PRKD1: variants seen among roughly 807,000 people sequenced by gnomAD.
The protein encoded by PRKD1 is protein kinase D1, also known as serine/threonine-protein kinase D1.
A neutral mutation model predicts 95.9 loss-of-function variants in PRKD1; 63 were observed. That is an observed-to-expected ratio of 0.66 (90% CI 0.54 to 0.81). The LOEUF (loss-of-function observed/expected upper bound fraction) is 0.81, where lower values mean the gene tolerates loss of function less well. PRKD1 is among the 30% of genes least tolerant of loss of function. PRKD1 has a pLI of 0.00. For missense variants in PRKD1, 1,048 were observed against 1,165.3 expected (o/e 0.90, Z 1.47); for synonymous variants, 425 against 423.1 (o/e 1.00, Z -0.05).
intron 1 of PRKD1, among the ~76,000 whole-genome samples, chr14:29,872,605 G>A (rs539848951): frequency 8.7e-5 from 13 of 149,800 alleles, no homozygotes; most frequent in Admixed American, 8.0e-4. Flanking sequence ...GCAGTGAGCC[G>A]AGATCAAGCC....
intron 1 of PRKD1, among the ~76,000 whole-genome samples, chr14:29,794,073 A>C (rs1462781664): frequency 6.6e-6 from 1 of 152,108 alleles, no homozygotes; most frequent in Non-Finnish European, 1.5e-5. Context: ...ATGTAGATTT[A>C]TTATTAGGTA....
intron 1 of PRKD1, among the ~76,000 whole-genome samples, chr14:29,861,587 A>C: frequency 6.6e-6 from 1 of 152,216 alleles, no homozygotes; most frequent in Middle Eastern, 3.4e-3. Flanking sequence ...TTTAAAATGT[A>C]TAATTATTAT....
intron 1 of PRKD1, among the ~76,000 whole-genome samples, chr14:29,839,070 T>C (rs1195315649): frequency 1.3e-5 from 2 of 152,082 alleles, no homozygotes; most frequent in African/African-American, 4.8e-5. Flanking sequence ...GCCCACAATG[T>C]CAAACCATTC....
intron 1 of PRKD1, among the ~76,000 whole-genome samples, chr14:29,752,918 C>T (rs1444900136): frequency 6.6e-6 from 1 of 152,038 alleles, no homozygotes. Context: ...TTTTGCACTC[C>T]TACCACTTTC....
intron 1 of PRKD1, among the ~76,000 whole-genome samples, chr14:29,854,613 A>C (rs2139345579): frequency 6.6e-6 from 1 of 152,344 alleles, no homozygotes; most frequent in African/African-American, 2.4e-5. Context: ...TTTTCTGAGG[A>C]GAAATTCAAA....
At chr14:29,665,588 T>G (rs552023096) in intron 3 of PRKD1, among the ~76,000 whole-genome samples, 1 of 152,164 alleles carries the variant, frequency 6.6e-6, no homozygotes, top group Non-Finnish European at 1.5e-5. Context: ...GAGTAGTATT[T>G]CATGGTGTAT....
chr14:29,603,271 A>C (rs1365946984), intron 13 of PRKD1, among the ~76,000 whole-genome samples: 1 of 152,250 alleles, frequency 6.6e-6, no homozygotes, highest in Non-Finnish European at 1.5e-5. Flanking sequence ...TTGATATACA[A>C]CAAGTTTATT....
intron 6 of PRKD1, among the ~76,000 whole-genome samples, chr14:29,637,487 AGAAAAT>A (rs1680386785): frequency 6.6e-6 from 1 of 152,218 alleles, no homozygotes; most frequent in South Asian, 2.1e-4. Flanking sequence ...TGAATGTATA[AGAAAAT>A]AGAATTTCAA....
intron 2 of PRKD1, among the ~76,000 whole-genome samples, chr14:29,712,019 G>A (rs558632281): frequency 6.6e-6 from 1 of 152,076 alleles, no homozygotes; most frequent in Non-Finnish European, 1.5e-5. Context: ...TATTGAATAG[G>A]ATTAAGCAAA....
chr14:29,868,787 A>C (rs980738094), intron 1 of PRKD1, among the ~76,000 whole-genome samples: 1 of 152,228 alleles, frequency 6.6e-6, no homozygotes, highest in Non-Finnish European at 1.5e-5. Context: ...TCATGGAACA[A>C]TGAAACACTA....
At chr14:29,921,077 C>G (rs1233552636) in intron 1 of PRKD1, among the ~76,000 whole-genome samples, 1 of 152,028 alleles carries the variant, frequency 6.6e-6, no homozygotes, top group Non-Finnish European at 1.5e-5. Context: ...ATTTTATTTC[C>G]TTTTTAAAAA....
At chr14:29,776,431 A>C (rs770476219) in intron 1 of PRKD1, among the ~76,000 whole-genome samples, 1 of 152,224 alleles carries the variant, frequency 6.6e-6, no homozygotes, top group African/African-American at 2.4e-5. Context: ...TAGAATAAGT[A>C]GTGTAGAGAA....
intron 1 of PRKD1, among the ~76,000 whole-genome samples, chr14:29,774,307 C>A (rs574849517): frequency 6.6e-6 from 1 of 152,202 alleles, no homozygotes; most frequent in East Asian, 1.9e-4. Flanking sequence ...TTTTTTCTTA[C>A]TTCCTTTATT....
At chr14:29,735,277 G>A (rs1156708950) in intron 1 of PRKD1, among the ~76,000 whole-genome samples, 11 of 152,158 alleles carry the variant, frequency 7.2e-5, no homozygotes, top group African/African-American at 1.7e-4. Flanking sequence ...AATACAAAAT[G>A]TATGAATTAT....
chr14:29,696,942 A>G (rs1468674369), intron 2 of PRKD1, among the ~76,000 whole-genome samples: 1 of 152,146 alleles, frequency 6.6e-6, no homozygotes, highest in Non-Finnish European at 1.5e-5. Flanking sequence ...GAGGCCACCT[A>G]CTTCACATAG....
intron 1 of PRKD1, among the ~76,000 whole-genome samples, chr14:29,889,654 C>T (rs1344602229): frequency 6.6e-6 from 1 of 152,180 alleles, no homozygotes; most frequent in Non-Finnish European, 1.5e-5. Context: ...AAACCAAACA[C>T]TGCATGTTCT....
intron 1 of PRKD1, among the ~76,000 whole-genome samples, chr14:29,803,096 T>C (rs1222717238): frequency 4.6e-5 from 7 of 152,158 alleles, no homozygotes; most frequent in African/African-American, 1.7e-4. Context: ...CAAATGGTAG[T>C]ATTTGGTTCA....
chr14:29,831,763 T>A (rs1891423002), intron 1 of PRKD1, among the ~76,000 whole-genome samples: 1 of 152,196 alleles, frequency 6.6e-6, no homozygotes, highest in African/African-American at 2.4e-5. Flanking sequence ...GTTTGCTGTG[T>A]ATTCTTCTAG....
intron 1 of PRKD1, among the ~76,000 whole-genome samples, chr14:29,843,305 T>C (rs1891940154): frequency 6.6e-6 from 1 of 152,194 alleles, no homozygotes; most frequent in Non-Finnish European, 1.5e-5. Flanking sequence ...ATCTTGATCT[T>C]GTACTTCTAG....
Sources: gnomAD v4.1 joint callset for allele counts (sites outside exome capture counted in the v4.1 genomes callset) on GRCh38, gnomAD v4.1.1 for gene constraint, MANE v1.5 for transcripts, NCBI Gene and HGNC (gene_info 2026-07-23, HGNC 2026-07-21) for gene names.